SH3GL2: variants seen among roughly 807,000 people sequenced by gnomAD.
The protein encoded by SH3GL2 is endophilin-A1.
In SH3GL2, 24 loss-of-function variants were observed where a neutral mutation model predicts 46.0. That is an observed-to-expected ratio of 0.52 (90% CI 0.38 to 0.73). SH3GL2 has a LOEUF of 0.73. Among genes scored for constraint, SH3GL2 ranks in the 30% least tolerant of loss-of-function variants. The pLI, the probability that SH3GL2 is intolerant of heterozygous loss-of-function variation, is 0.00. For missense variants in SH3GL2, 413 were observed against 424.2 expected (o/e 0.97, Z 0.23); for synonymous variants, 196 against 147.1 (o/e 1.33, Z -2.40).
chr9:17,682,094 A>C (rs769342552), intron 1 of SH3GL2, among the ~76,000 whole-genome samples: 1 of 152,178 alleles, frequency 6.6e-6, no homozygotes, highest in Non-Finnish European at 1.5e-5. Context: ...AAATGGGAAC[A>C]CTTTCACACT....
At chr9:17,793,590 A>T in intron 8 of SH3GL2, 93 bp downstream of exon 8, 1 of 1,209,010 alleles carries the variant, frequency 8.3e-7, no homozygotes, top group Non-Finnish European at 1.2e-6. Flanking sequence ...ATCTGGCTGC[A>T]TAGGAAATAT....
chr9:17,698,266 T>G (rs1163898335), intron 1 of SH3GL2, among the ~76,000 whole-genome samples: 4 of 152,198 alleles, frequency 2.6e-5, no homozygotes, highest in African/African-American at 9.7e-5. Flanking sequence ...ACAAGGCACC[T>G]TCTGCCTCTG....
chr9:17,788,905 G>A (rs199809088), intron 5 of SH3GL2, among the ~76,000 whole-genome samples: 1 of 151,688 alleles, frequency 6.6e-6, no homozygotes, highest in East Asian at 2.0e-4. Flanking sequence ...AGCAACTTAC[G>A]TGATTCTAAC....
chr9:17,716,788 C>G (rs57298855), intron 1 of SH3GL2, among the ~76,000 whole-genome samples: 4,776 of 152,236 alleles, frequency 0.031, 128 homozygotes, highest in East Asian at 0.099. Flanking sequence ...TGTTCTCTCT[C>G]TTTGCATTGT....
At position 17,589,960 on chromosome 9, in the gene SH3GL2, A is replaced by T. The variant is rs546733090; in HGVS notation, c.45+10673A>T. On this transcript the variant is annotated intron_variant, in intron 1 of 8. Transcript: ENST00000380607. ...CGGTGCCAGACATAATTTGGAAGGC[A>T]TGCGGTCTGGCACCCTGAGATATAT... 2.0e-5 allele frequency: 3 copies of T among 152,312 alleles called. No homozygotes were observed. In the South Asian group the frequency reaches 6.2e-4, roughly 32 times the overall value. The allele number at this position is 152,312 out of a possible 1,614,324, so 9.4% of individuals were successfully genotyped here.
At chr9:17,716,233 G>A (rs1475598545) in intron 1 of SH3GL2, among the ~76,000 whole-genome samples, 1 of 151,934 alleles carries the variant, frequency 6.6e-6, no homozygotes, top group African/African-American at 2.4e-5. Context: ...TTGCTTCTTT[G>A]CAATGCCTAA....
chr9:17,600,790 ACT>A (rs1453180082), intron 1 of SH3GL2, among the ~76,000 whole-genome samples: 8 of 152,006 alleles, frequency 5.3e-5, no homozygotes, highest in African/African-American at 1.9e-4. Flanking sequence ...ATTTTTAAAA[ACT>A]CTTTACTCAT....
chr9:17,683,430 C>T (rs2118063464), intron 1 of SH3GL2, among the ~76,000 whole-genome samples: 1 of 152,184 alleles, frequency 6.6e-6, no homozygotes, highest in South Asian at 2.1e-4. Flanking sequence ...GGGCGGCAAA[C>T]TCTAGGCTCA....
At chr9:17,664,059 T>C (rs1820286221) in intron 1 of SH3GL2, among the ~76,000 whole-genome samples, 1 of 152,158 alleles carries the variant, frequency 6.6e-6, no homozygotes. Context: ...AAAAAATATA[T>C]ATCCTGTGGA....
chr9:17,698,983 C>A (rs913591022), intron 1 of SH3GL2, among the ~76,000 whole-genome samples: 1 of 151,778 alleles, frequency 6.6e-6, no homozygotes, highest in African/African-American at 2.4e-5. Flanking sequence ...GGTGAAACCC[C>A]GTCTCTACTA....
chr9:17,642,072 T>C (rs1262596450), intron 1 of SH3GL2, among the ~76,000 whole-genome samples: 1 of 152,214 alleles, frequency 6.6e-6, no homozygotes, highest in Non-Finnish European at 1.5e-5. Context: ...GTAAAAGCAT[T>C]CCTGTTTCTC....
At chr9:17,611,289 C>A (rs79351921) in intron 1 of SH3GL2, among the ~76,000 whole-genome samples, 1 of 151,940 alleles carries the variant, frequency 6.6e-6, no homozygotes, top group South Asian at 2.1e-4. Flanking sequence ...ATAGGGTAAA[C>A]GTGGGTACGT....
chr9:17,581,910 G>A (rs1818283308), intron 1 of SH3GL2, among the ~76,000 whole-genome samples: 1 of 152,106 alleles, frequency 6.6e-6, no homozygotes, highest in Admixed American at 6.6e-5. Context: ...TGTTAACCAG[G>A]CTGGTCTCGA....
At chr9:17,671,233 C>A (rs1164292037) in intron 1 of SH3GL2, among the ~76,000 whole-genome samples, 1 of 152,066 alleles carries the variant, frequency 6.6e-6, no homozygotes, top group African/African-American at 2.4e-5. Context: ...TTAATTTATT[C>A]ATCAGATTTT....
intron 1 of SH3GL2, among the ~76,000 whole-genome samples, chr9:17,632,109 ATTAGTG>A (rs1279463218): frequency 1.3e-5 from 2 of 152,154 alleles, no homozygotes; most frequent in East Asian, 1.9e-4. Context: ...AAAATCAATA[ATTAGTG>A]TTAGTGTAAC....
intron 8 of SH3GL2, among the ~76,000 whole-genome samples, chr9:17,795,268 G>A (rs1358613969): frequency 1.3e-5 from 2 of 152,184 alleles, no homozygotes; most frequent in Non-Finnish European, 2.9e-5. Flanking sequence ...TGTATCACAA[G>A]AATAGATGTG....
At chr9:17,788,046 A>G (rs1314608725) in intron 5 of SH3GL2, among the ~76,000 whole-genome samples, 1 of 152,326 alleles carries the variant, frequency 6.6e-6, no homozygotes. Flanking sequence ...CATGTAGAGC[A>G]GTTGAGCTGT....
intron 1 of SH3GL2, 56 bp from the exon 2 acceptor site, chr9:17,747,010 C>T: frequency 8.3e-7 from 1 of 1,207,888 alleles, no homozygotes; most frequent in Non-Finnish European, 1.2e-6. Context: ...AAATTTCTAA[C>T]ACATTTTTTA....
At chr9:17,609,754 A>C (rs749642781) in intron 1 of SH3GL2, among the ~76,000 whole-genome samples, 1 of 152,246 alleles carries the variant, frequency 6.6e-6, no homozygotes. Flanking sequence ...TCATACTGCA[A>C]AGTGACAGCT....
Sources: allele counts gnomAD v4.1 joint callset (sites outside exome capture counted in the v4.1 genomes callset), GRCh38; gene constraint gnomAD v4.1.1; transcripts MANE v1.5; gene names NCBI Gene and HGNC (gene_info 2026-07-23, HGNC 2026-07-21).